HINFP: variants seen among roughly 807,000 people sequenced by gnomAD.
HINFP encodes MBD2 (methyl-CpG-binding protein)-interacting zinc finger protein.
HINFP carries 20 observed loss-of-function variants against 50.1 expected under a neutral mutation model. The ratio of observed to expected loss-of-function variants is 0.40; its 90% CI spans 0.28 to 0.58. The LOEUF is 0.58. Among genes scored for constraint, HINFP ranks in the 20% least tolerant of loss-of-function variants. The pLI, the probability that HINFP is intolerant of heterozygous loss-of-function variation, is 0.45. For missense variants in HINFP, 505 were observed against 664.1 expected, an observed-to-expected ratio of 0.76 and a Z score of 2.63; for synonymous variants, 247 against 243.7, an observed-to-expected ratio of 1.01 and a Z score of -0.13.
chr11:119,123,373 T>C (rs1051903423), intron 1 of HINFP, among the ~76,000 whole-genome samples: 12 of 152,090 alleles, frequency 7.9e-5, no homozygotes, highest in Non-Finnish European at 1.5e-5. Context: ...TCTCAATAGA[T>C]GTTCGTTTCC....
chr11:119,130,866 A>G lies in HINFP; in HGVS notation c.323A>G (p.Asp108Gly). The G allele has an allele frequency of 6.2e-7, 1 of 1,614,182 alleles. No individual in the cohort carries two copies. Among genetic ancestry groups the G allele is most frequent in the Non-Finnish European group, 8.5e-7 (1 of 1,180,026 alleles). The change falls in exon 3 of 10, where the codon GAC (aspartate) becomes GGC (glycine). Residue 108 changes from aspartate (D) to glycine (G), a missense_variant. Transcript: ENST00000350777. ...WGLQALQSQA[D>G]LGPCILDFQS... ...CTGCAGGCCTTGCAAAGCCAGGCTG[A>G]CCTTGGCCCCTGCATCCTGGACTTC... is the stretch of plus-strand genomic sequence containing the variant.
chr11:119,133,430 G>A (rs935035776), intron 9 of HINFP: 9 of 518,472 alleles, frequency 1.7e-5, no homozygotes, highest in Non-Finnish European at 3.1e-5. Context: ...AATACAAAAA[G>A]TAGCTGAGCA....
intron 2 of HINFP, among the ~76,000 whole-genome samples, chr11:119,129,421 C>T (rs1274818666): frequency 6.6e-6 from 1 of 151,980 alleles, no homozygotes; most frequent in Non-Finnish European, 1.5e-5. Context: ...ATCCTCCTGC[C>T]TCAGCATGCT....
At chr11:119,128,680 T>C (rs953254740) in intron 2 of HINFP, among the ~76,000 whole-genome samples, 3 of 151,964 alleles carry the variant, frequency 2.0e-5, no homozygotes, top group African/African-American at 7.2e-5. Flanking sequence ...GCCTATGAGA[T>C]AGGCACTATT....
At chr11:119,123,211 G>T (rs1284322234) in intron 1 of HINFP, among the ~76,000 whole-genome samples, 2 of 147,958 alleles carry the variant, frequency 1.4e-5, no homozygotes, top group African/African-American at 4.9e-5. Flanking sequence ...AAAGATGATT[G>T]AATCAGAGGA....
intron 2 of HINFP, among the ~76,000 whole-genome samples, chr11:119,129,546 C>T (rs375280747): frequency 4.9e-4 from 73 of 148,424 alleles, no homozygotes; most frequent in African/African-American, 1.7e-3. Flanking sequence ...CTGCAAGGTC[C>T]GCCTCCCGGG....
intron 9 of HINFP, 118 bp from the exon 10 acceptor site, chr11:119,133,966 G>T: frequency 1.4e-6 from 2 of 1,398,372 alleles, no homozygotes; most frequent in South Asian, 2.5e-5. Context: ...TTCAACTCCT[G>T]TCACTTGGAT....
In HINFP at chr11:119,127,247, T is replaced by G. The variant is rs1453511373; in HGVS notation, c.181+122T>G. 8.6e-6 allele frequency: 7 copies of G among 810,996 alleles called. No homozygotes were observed. The African/African-American group carries it at 1.2e-4, about 14-fold the overall frequency. 50.2% of individuals were successfully genotyped at this position (810,996 alleles called of 1,614,324 possible). A position where few individuals can be genotyped will look rare whatever the true frequency, so the allele number is the denominator to read the frequency against. On this transcript the variant is annotated intron_variant, in intron 2 of 9. Transcript: ENST00000350777. ...TGGTTTATTTTCCTAATTGTGTTTT[T>G]GTTGTATATAAAAACATTGTAAACT... is the stretch of plus-strand genomic sequence containing the variant.
In HINFP at chr11:119,131,803, A is replaced by G. The variant is rs1326366164; in HGVS notation, c.524-27A>G. On this transcript the variant is annotated intron_variant, in intron 4 of 9. Coordinates refer to ENST00000350777, the MANE Select transcript of HINFP (RefSeq NM_198971.3). The surrounding 1 kb of genome is among the most constrained non-coding windows in gnomAD (Gnocchi z 4.2). ...CTAGGCAAAACTGGGGTTTTGTGGC[A>G]GGAGACTGATAGGGCTTCCTTCCCA... The G allele has an allele frequency of 6.2e-7, 1 of 1,612,770 alleles. No homozygotes were observed. Among genetic ancestry groups the G allele is most frequent in the Non-Finnish European group, 8.5e-7 (1 of 1,179,498 alleles).
At chr11:119,130,671 G>A (rs1307067617) in intron 2 of HINFP, 54 bp from the exon 3 acceptor site, 1 of 1,516,910 alleles carries the variant, frequency 6.6e-7, no homozygotes, top group Non-Finnish European at 9.1e-7. Context: ...CAGGTGGAAG[G>A]TGACCTGAGC....
chr11:119,131,939 T>C lies in HINFP; in HGVS notation c.633T>C (p.Asn211=). 1 of 1,614,150 alleles carries C rather than the reference T, an allele frequency of 6.2e-7. No homozygotes were observed. ...CPTCGGMFAN[N]TKFLDHIRRQ... The stretch of plus-strand genomic sequence containing the variant: ...CCTGTGGGGGCATGTTTGCCAACAA[T>C]ACCAAGTTCTTAGATCACATCCGTC... Residue 211 remains asparagine, a synonymous_variant, in exon 5 of 10, where the codon AAT becomes AAC. Coordinates refer to ENST00000350777, the MANE Select transcript of HINFP (RefSeq NM_198971.3). The surrounding 1 kb of genome is among the most constrained non-coding windows in gnomAD (Gnocchi z 4.2).
In HINFP at chr11:119,132,651, C is replaced by CT; in HGVS notation, c.755-8dup. On this transcript the variant is annotated splice_polypyrimidine_tract_variant and intron_variant, in intron 6 of 9. Transcript: ENST00000350777. ...TTCTCACATCACAGCCTCCTCTCTG[C>CT]TTCTCTCAGTGAATCACTATAAGTG... The CT allele has an allele frequency of 6.2e-7, 1 of 1,614,132 alleles. No homozygotes were observed. Among genetic ancestry groups the CT allele is most frequent in the East Asian group, 2.2e-5 (1 of 44,886 alleles).
rs1255250103 is a variant in HINFP, at chr11:119,135,995, C to G, written c.*1497C>G. On this transcript the variant is annotated 3_prime_UTR_variant, in exon 10 of 10. Coordinates refer to ENST00000350777, the MANE Select transcript of HINFP (RefSeq NM_198971.3). ...TGAGCCGAGATCATGCCACTGCACT[C>G]CAGCCTGGCGACACAGTGAGACTCC... The G allele has an allele frequency of 6.6e-6, 1 of 152,224 alleles. No individual in the cohort carries two copies. Among genetic ancestry groups the G allele is most frequent in the Non-Finnish European group, 1.5e-5 (1 of 68,078 alleles). 9.4% of individuals were successfully genotyped at this position (152,224 alleles called of 1,614,324 possible).
chr11:119,134,096 T>C lies in HINFP; in HGVS notation c.1152T>C (p.His384=). 6 of 1,614,102 alleles carry C rather than the reference T, an allele frequency of 3.7e-6. No homozygotes were observed. The highest frequency in any genetic ancestry group is 1.1e-5 in the South Asian group (1 of 91,084). The part of the protein sequence containing the change: ...SGHPRFRYKE[H]EDGYMRLQLV... ...CCTACCTCACCAGGTACAAGGAACA[T>C]GAAGATGGCTATATGCGGCTGCAGC... The change falls in exon 10 of 10, where the codon CAT becomes CAC. Residue 384 remains histidine (H), a synonymous_variant. Coordinates refer to ENST00000350777, the MANE Select transcript of HINFP (RefSeq NM_198971.3). This position sits in a 1 kb window ranked among gnomAD's most constrained non-coding sequence, Gnocchi z 4.3.
intron 1 of HINFP, chr11:119,126,060 T>C (rs1947379188): frequency 6.6e-6 from 1 of 152,056 alleles, no homozygotes; most frequent in Admixed American, 6.6e-5. Context: ...AGGTTAAAAA[T>C]AGCACCTACC....
intron 9 of HINFP, chr11:119,133,565 C>T (rs1044607220): frequency 2.3e-5 from 5 of 215,984 alleles, no homozygotes; most frequent in South Asian, 9.8e-5. Flanking sequence ...GGTGACAGAG[C>T]GAGACTCCAT....
At position 119,121,644 on chromosome 11, in the gene HINFP, G is replaced by A. The variant is rs1028939170; in HGVS notation, c.-11+5G>A. The A allele has an allele frequency of 6.6e-6, 1 of 152,502 alleles. No individual in the cohort carries two copies. Among genetic ancestry groups the A allele is most frequent in the Non-Finnish European group, 1.5e-5 (1 of 68,220 alleles). The allele number at this position is 152,502 out of a possible 1,614,324, so 9.4% of individuals were successfully genotyped here. ...GAGACCTGGAGCCGACAGACGGTAA[G>A]CTGGGGTATGTGCTCTGCAGGGGCT... On this transcript the variant is annotated splice_donor_5th_base_variant and intron_variant, in intron 1 of 9. Transcript: ENST00000350777.
intron 1 of HINFP, among the ~76,000 whole-genome samples, chr11:119,123,551 T>C (rs1367245629): frequency 2.0e-5 from 3 of 148,608 alleles, no homozygotes; most frequent in Non-Finnish European, 3.0e-5. Flanking sequence ...CTTTCTTCTT[T>C]TTTTTTTTTT....
intron 1 of HINFP, chr11:119,126,668 C>T: frequency 3.4e-6 from 1 of 291,076 alleles, no homozygotes; most frequent in Non-Finnish European, 6.4e-6. Flanking sequence ...TGCTCTGAAG[C>T]TTCATGAGAA....
Sources: allele counts gnomAD v4.1 joint callset (sites outside exome capture counted in the v4.1 genomes callset), GRCh38; gene constraint gnomAD v4.1.1; non-coding constraint Gnocchi (gnomAD v3.1); transcripts MANE v1.5; gene names NCBI Gene and HGNC (gene_info 2026-07-23, HGNC 2026-07-21).